The following PIGG variants were observed in gnomAD, a reference collection of about 807,000 sequenced individuals.
PIGG encodes the protein GPI ethanolamine phosphate transferase 2, catalytic subunit.
PIGG carries 70 observed loss-of-function variants against 83.2 expected under a neutral mutation model. The ratio of observed to expected loss-of-function variants is 0.84; its 90% CI spans 0.69 to 1.03. The LOEUF is 1.03. Ranked by LOEUF, PIGG falls within the 50% of genes least tolerant of loss-of-function variation. The pLI, the probability that PIGG is intolerant of heterozygous loss-of-function variation, is 0.00. For synonymous variants in PIGG, 532 were observed against 519.5 expected (o/e 1.02, Z -0.33); for missense variants, 1,257 against 1,233.6 (o/e 1.02, Z -0.28).
At chr4:524,170 G>T (rs1259713303) in intron 9 of PIGG, among the ~76,000 whole-genome samples, 1 of 152,206 alleles carries the variant, frequency 6.6e-6, no homozygotes, top group East Asian at 1.9e-4. Flanking sequence ...GTTCATGATT[G>T]AAAACTTGTG....
At chr4:502,693 C>T (rs1260562711) in intron 2 of PIGG, among the ~76,000 whole-genome samples, 6 of 152,070 alleles carry the variant, frequency 3.9e-5, no homozygotes, top group African/African-American at 1.2e-4. Context: ...GCTGTCTGCA[C>T]GCTTTCTGGG....
chr4:510,061 C>T (rs190915984), intron 5 of PIGG, among the ~76,000 whole-genome samples: 137 of 152,210 alleles, frequency 9.0e-4, no homozygotes, highest in African/African-American at 3.2e-3. Flanking sequence ...CAGCTCGGTC[C>T]GGGAGACTTT....
At position 530,627 on chromosome 4, in the gene PIGG, C is replaced by T; in HGVS notation, c.2453C>T (p.Ala818Val). Residue 818 changes from alanine to valine, a missense_variant, in exon 11 of 13, where the codon GCA (alanine) becomes GTA (valine). By Grantham distance (64) the Ala-to-Val change is moderately conservative. Transcript: ENST00000453061. ...LFRPHNLPVLAFSLLIQTLMT... is the reference protein window; with the variant it reads ...LFRPHNLPVLVFSLLIQTLMT... ...AGACCACATAATCTTCCGGTCTTAG[C>T]ATTTAGCCTCTTGATTCAGACTCTA... 1.2e-6 allele frequency: 2 copies of T among 1,613,410 alleles called. No homozygotes were observed. Among genetic ancestry groups the T allele is most frequent in the South Asian group, 1.1e-5 (1 of 91,080 alleles).
At position 515,896 on chromosome 4, in the gene PIGG, A is replaced by G; in HGVS notation, c.902-77A>G. On this transcript the variant is annotated intron_variant, in intron 5 of 12. Coordinates refer to ENST00000453061, the MANE Select transcript of PIGG (RefSeq NM_001127178.3). This position sits in a 1 kb window ranked among gnomAD's most constrained non-coding sequence, Gnocchi z 4.2. The stretch of plus-strand genomic sequence containing the variant: ...GGATCATTTGGCTCATGTTAGTTGT[A>G]GAAGGTCTAATTCAAGAATGAGTAC... The G allele has an allele frequency of 8.9e-7, 1 of 1,124,558 alleles. No homozygotes were observed. The highest frequency in any genetic ancestry group is 1.7e-5 in the Admixed American group (1 of 58,508). 69.7% of individuals were successfully genotyped at this position (1,124,558 alleles called of 1,614,324 possible).
intron 1 of PIGG, chr4:499,697 C>T (rs1716854997): frequency 7.2e-7 from 1 of 1,398,028 alleles, no homozygotes; most frequent in East Asian, 2.7e-5. Context: ...ACTGGCCCCA[C>T]TTCGACCTTC....
chr4:533,580 C>G (rs1022584701), intron 11 of PIGG: 2 of 557,352 alleles, frequency 3.6e-6, no homozygotes, highest in Admixed American at 3.1e-5. Context: ...GGTCCGCTCA[C>G]GTGCCCTTCC....
rs1020841362 is a variant in PIGG, at chr4:523,920, G to A, written c.2069+7G>A. The stretch of plus-strand genomic sequence containing the variant: ...TCGGCCACTGGCTCACCAGGTGAGA[G>A]CGTAGGCCCGTGGCCACAGGCCAGA... On this transcript the variant is annotated splice_region_variant and intron_variant, in intron 9 of 12. Transcript: ENST00000453061. 1.3e-6 allele frequency: 2 copies of A among 1,491,442 alleles called. No individual in the cohort carries two copies. The highest frequency in any genetic ancestry group is 2.6e-5 in the South Asian group (2 of 77,344). The allele number at this position is 1,491,442 out of a possible 1,614,324, so 92.4% of individuals were successfully genotyped here.
intron 11 of PIGG, chr4:531,246 G>C (rs961456694): frequency 1.8e-5 from 3 of 165,712 alleles, no homozygotes; most frequent in Non-Finnish European, 3.9e-5. Context: ...ACAGGCAGAC[G>C]GGGCCTCAGA....
chr4:501,251 A>C (rs1717616714), intron 2 of PIGG: 1 of 422,308 alleles, frequency 2.4e-6, no homozygotes, highest in African/African-American at 2.1e-5. Context: ...TTGGGGAAAA[A>C]ATAGTATCTC....
At chr4:509,490 G>A (rs181109432) in intron 5 of PIGG, among the ~76,000 whole-genome samples, 2 of 152,252 alleles carry the variant, frequency 1.3e-5, no homozygotes, top group South Asian at 2.1e-4. Context: ...CGCGGCCGCC[G>A]GCCTTGCTGT....
At chr4:526,583 T>G (rs1577118855) in intron 9 of PIGG, among the ~76,000 whole-genome samples, 1 of 151,994 alleles carries the variant, frequency 6.6e-6, no homozygotes, top group Non-Finnish European at 1.5e-5. Flanking sequence ...AGCTGGTAGG[T>G]GCAGGGCTGA....
chr4:516,120 T>C lies in PIGG; in HGVS notation c.1049T>C (p.Phe350Ser), dbSNP rs1316106838. The change falls in exon 6 of 13, where the codon TTT (phenylalanine) becomes TCT (serine). Residue 350 changes from phenylalanine to serine, a missense_variant. Phe to Ser is a radical substitution (Grantham distance 155, BLOSUM62 -2). Coordinates refer to ENST00000453061, the MANE Select transcript of PIGG (RefSeq NM_001127178.3). Reference sequence around the variant, plus strand: ...AGACCAATGAGAGAGCAGTTGAGATTTTTACATTTGAATACAGTGCAGCTT... The same window carrying C: ...AGACCAATGAGAGAGCAGTTGAGATCTTTACATTTGAATACAGTGCAGCTT... ...EGRPMREQLR[F>S]LHLNTVQLSK... is the part of the protein sequence containing the mutation. 1.9e-6 allele frequency: 3 copies of C among 1,614,090 alleles called. No homozygotes were observed. In the Admixed American group the frequency reaches 5.0e-5, roughly 27 times the overall value.
intron 7 of PIGG, 150 bp downstream of exon 7, chr4:521,423 T>C (rs1369431595): frequency 1.4e-6 from 1 of 699,626 alleles, no homozygotes; most frequent in African/African-American, 1.8e-5. Context: ...TGTCCTGATT[T>C]GTGACAAGAC....
At chr4:505,683 T>C (rs781945710) in intron 2 of PIGG, 35 bp from the exon 3 acceptor site, 2 of 1,515,430 alleles carry the variant, frequency 1.3e-6, no homozygotes, top group East Asian at 4.5e-5. Context: ...CGGTTTTGGA[T>C]TCAGTGGCCT....
At position 540,157 on chromosome 4, in the gene PIGG, C is replaced by G. The variant is rs955432648; in HGVS notation, c.*788C>G. 1 of 149,072 alleles carries G rather than the reference C, an allele frequency of 6.7e-6. No homozygotes were observed. Among genetic ancestry groups the G allele is most frequent in the Non-Finnish European group, 1.5e-5 (1 of 67,686 alleles). 9.2% of individuals were successfully genotyped at this position (149,072 alleles called of 1,614,324 possible). ...CCAGCCAGGACAACAGAGTGAGACT[C>G]TTGTCTTTAAAATGAAAAAATAAAT... On this transcript the variant is annotated 3_prime_UTR_variant, in exon 13 of 13. Transcript: ENST00000453061.
intron 10 of PIGG, chr4:527,918 A>T: frequency 2.0e-6 from 2 of 985,404 alleles, no homozygotes; most frequent in Non-Finnish European, 2.4e-6. Flanking sequence ...GTTTCCATTT[A>T]TCTCAAGAAT....
intron 11 of PIGG, 194 bp from the exon 12 acceptor site, chr4:533,624 G>T: frequency 1.7e-6 from 1 of 598,674 alleles, no homozygotes; most frequent in Non-Finnish European, 3.0e-6. Flanking sequence ...GGGAGGGGGT[G>T]CCACCTAGGC....
chr4:517,315 C>T (rs1347345512), intron 6 of PIGG, among the ~76,000 whole-genome samples: 1 of 152,094 alleles, frequency 6.6e-6, no homozygotes, highest in Non-Finnish European at 1.5e-5. Context: ...GAAGTGGTTG[C>T]ATTCTGGAAA....
In PIGG at chr4:533,852, C is replaced by G. The variant is rs1404974986; in HGVS notation, c.2606C>G (p.Ser869Cys). 3 of 1,614,264 alleles carry G rather than the reference C, an allele frequency of 1.9e-6. No homozygotes were observed. The highest frequency in any genetic ancestry group is 2.5e-6 in the Non-Finnish European group (3 of 1,180,048). ...NSNNIATVDI[S>C]AGFVGLDTYV... is the part of the protein sequence containing the mutation. ...AACAACATTGCCACCGTGGACATCTCCGCAGGCTTCGTGGGCTTAGACACC... is the reference window on the plus strand; with the variant it reads ...AACAACATTGCCACCGTGGACATCTGCGCAGGCTTCGTGGGCTTAGACACC... Residue 869 changes from serine (S) to cysteine (C), a missense_variant, in exon 12 of 13, where the codon TCC (serine) becomes TGC (cysteine). Transcript: ENST00000453061.
Sources: gnomAD v4.1 joint callset for allele counts (sites outside exome capture counted in the v4.1 genomes callset) on GRCh38, gnomAD v4.1.1 for gene constraint, Gnocchi (gnomAD v3.1) non-coding constraint, MANE v1.5 for transcripts, NCBI Gene and HGNC (gene_info 2026-07-23, HGNC 2026-07-21) for gene names.